The following SLC9A8 variants were observed in gnomAD, a reference collection of about 807,000 sequenced individuals.
SLC9A8 encodes the protein sodium/hydrogen exchanger 8.
Under a neutral mutation model 66.6 loss-of-function variants are expected in SLC9A8, and 48 were observed. That is an observed-to-expected ratio of 0.72 (90% confidence interval 0.57 to 0.92). The LOEUF (loss-of-function observed/expected upper bound fraction) is 0.92, where lower values mean the gene tolerates loss of function less well. Among genes scored for constraint, SLC9A8 ranks in the 40% least tolerant of loss-of-function variants. The probability of loss-of-function intolerance (pLI) is 0.00; values close to 1 mark genes in which losing one functional copy is unlikely to be tolerated. For missense variants in SLC9A8, 599 were observed against 747.3 expected (o/e 0.80, Z 2.31); for synonymous variants, 274 against 282.6 (o/e 0.97, Z 0.31).
At chr20:49,861,617 T>C (rs541589434) in intron 8 of SLC9A8, among the ~76,000 whole-genome samples, 1 of 151,994 alleles carries the variant, frequency 6.6e-6, no homozygotes, top group South Asian at 2.1e-4. Flanking sequence ...CAAGGATGTC[T>C]AGAAGGAGAT....
intron 4 of SLC9A8, 65 bp from the exon 5 acceptor site, chr20:49,844,971 T>C (rs2087921542): frequency 1.7e-6 from 2 of 1,175,482 alleles, no homozygotes; most frequent in East Asian, 2.4e-5. Context: ...TGGCTCTTTA[T>C]TGATTAATTT....
chr20:49,844,843 TAC>T (rs2146587819), intron 4 of SLC9A8, among the ~76,000 whole-genome samples, 191 bp from the exon 5 acceptor site: 1 of 150,914 alleles, frequency 6.6e-6, no homozygotes. Flanking sequence ...AATAATAAAA[TAC>T]AGTTTCATTT....
intron 14 of SLC9A8, among the ~76,000 whole-genome samples, chr20:49,884,336 A>ACACACCC (rs1568884621): frequency 9.2e-6 from 1 of 108,476 alleles, no homozygotes. Context: ...ACACACACAC[A>ACACACCC]CCCCCCGGTC....
intron 6 of SLC9A8, among the ~76,000 whole-genome samples, chr20:49,849,920 C>T (rs560704004): frequency 1.8e-4 from 27 of 152,316 alleles, no homozygotes; most frequent in African/African-American, 6.3e-4. Context: ...TAATCCCCCC[C>T]AAAGTATTTG....
intron 2 of SLC9A8, among the ~76,000 whole-genome samples, chr20:49,816,432 CA>C (rs763431051): frequency 6.7e-6 from 1 of 148,678 alleles, no homozygotes; most frequent in East Asian, 2.0e-4. Flanking sequence ...AAAAAAAAAA[CA>C]AAAAAAACCA....
At chr20:49,849,764 C>G in intron 6 of SLC9A8, 84 bp downstream of exon 6, 1 of 1,049,480 alleles carries the variant, frequency 9.5e-7, no homozygotes, top group South Asian at 1.3e-5. Flanking sequence ...AATGGGGCCA[C>G]TTTGTGGGGC....
At chr20:49,859,591 G>A (rs375645640) in intron 8 of SLC9A8, among the ~76,000 whole-genome samples, 3 of 151,048 alleles carry the variant, frequency 2.0e-5, no homozygotes, top group East Asian at 1.9e-4. Context: ...CTTCATAAAC[G>A]ATCATCTCCA....
chr20:49,867,346 A>G (rs750704330), intron 10 of SLC9A8, among the ~76,000 whole-genome samples: 5 of 152,090 alleles, frequency 3.3e-5, no homozygotes, highest in Non-Finnish European at 5.9e-5. Context: ...TGAGGCTTAC[A>G]TTTAAACTTT....
At position 49,812,954 on chromosome 20, in the gene SLC9A8, T is replaced by A; in HGVS notation, c.26+6T>A. On this transcript the variant is annotated splice_donor_region_variant and intron_variant, in intron 1 of 15. Coordinates refer to ENST00000361573, the MANE Select transcript of SLC9A8 (RefSeq NM_015266.3). ...GAGAAGATGGCGGAAGAGGAGTGAG[T>A]GGGCTTTTTCCCGGGCGGCGGAGGC... is the stretch of plus-strand genomic sequence containing the variant. 1.4e-6 allele frequency: 2 copies of A among 1,427,394 alleles called. No homozygotes were observed. The highest frequency in any genetic ancestry group is 1.8e-6 in the Non-Finnish European group (2 of 1,091,072). The allele number at this position is 1,427,394 out of a possible 1,614,324, so 88.4% of individuals were successfully genotyped here. A position where few individuals can be genotyped will look rare whatever the true frequency, so the allele number is the denominator to read the frequency against.
chr20:49,857,932 A>G (rs1346520170), intron 8 of SLC9A8, among the ~76,000 whole-genome samples: 1 of 152,226 alleles, frequency 6.6e-6, no homozygotes, highest in Non-Finnish European at 1.5e-5. Flanking sequence ...AACCAAACTT[A>G]TAAGTATTTT....
chr20:49,822,605 C>T (rs911222157), intron 2 of SLC9A8, among the ~76,000 whole-genome samples: 12 of 152,180 alleles, frequency 7.9e-5, no homozygotes, highest in Admixed American at 3.3e-4. Flanking sequence ...TGCAATGTGG[C>T]GAAACCCCAT....
chr20:49,830,583 C>A lies in SLC9A8; in HGVS notation c.289+7442C>A, dbSNP rs1347880781. On this transcript the variant is annotated intron_variant, in intron 3 of 15. Transcript: ENST00000361573. ...GTCGGGGGGTCGCTTTCCAGAAGCT[C>A]CCATCTCAGGGAATCAGCAGCTTTC... The A allele has an allele frequency of 4.9e-6, 3 of 609,258 alleles. No homozygotes were observed. In the African/African-American group the frequency reaches 5.6e-5, roughly 11 times the overall value. 37.7% of individuals were successfully genotyped at this position (609,258 alleles called of 1,614,324 possible).
chr20:49,854,440 G>T (rs1198341660), intron 7 of SLC9A8, among the ~76,000 whole-genome samples: 1 of 152,062 alleles, frequency 6.6e-6, no homozygotes, highest in African/African-American at 2.4e-5. Context: ...TAACATGTAG[G>T]TTCTTGCTTA....
chr20:49,838,741 G>A (rs940786916), intron 3 of SLC9A8, among the ~76,000 whole-genome samples: 1 of 152,124 alleles, frequency 6.6e-6, no homozygotes, highest in Admixed American at 6.5e-5. Flanking sequence ...TGGCCTGCAG[G>A]CTTGCTTTGT....
intron 7 of SLC9A8, 74 bp downstream of exon 7, chr20:49,850,918 G>A: frequency 1.8e-6 from 2 of 1,138,236 alleles, no homozygotes; most frequent in Non-Finnish European, 2.6e-6. Flanking sequence ...ATTGCTTCCT[G>A]GGTGTGGTAC....
At chr20:49,819,467 G>T (rs1455077926) in intron 2 of SLC9A8, among the ~76,000 whole-genome samples, 2 of 152,008 alleles carry the variant, frequency 1.3e-5, no homozygotes, top group Non-Finnish European at 2.9e-5. Context: ...CCCATAACTT[G>T]CCTTTTCATC....
chr20:49,839,724 A>AT (rs2087687063), intron 4 of SLC9A8, 125 bp downstream of exon 4: 5 of 492,800 alleles, frequency 1.0e-5, no homozygotes, highest in East Asian at 3.5e-5. Flanking sequence ...TTACTTTTTA[A>AT]TTTTTTTATT....
Position 49,889,766 on chromosome 20 carries a change from G to C in SLC9A8, c.*1830G>C, listed in dbSNP as rs576973954. ...GGGACCTTTGCCTGCCCCTGGGCGA[G>C]TGCGGGCAGGGATCTGAGACCAGAT... On this transcript the variant is annotated 3_prime_UTR_variant, in exon 16 of 16. Coordinates refer to ENST00000361573, the MANE Select transcript of SLC9A8 (RefSeq NM_015266.3). The C allele has an allele frequency of 1.3e-5, 2 of 152,176 alleles. No individual in the cohort carries two copies. Among genetic ancestry groups the C allele is most frequent in the African/African-American group, 2.4e-5 (1 of 41,428 alleles). 9.4% of individuals were successfully genotyped at this position (152,176 alleles called of 1,614,324 possible). A position where few individuals can be genotyped will look rare whatever the true frequency, so the allele number is the denominator to read the frequency against.
chr20:49,839,235 G>A (rs1214697862), intron 3 of SLC9A8, among the ~76,000 whole-genome samples: 2 of 152,200 alleles, frequency 1.3e-5, no homozygotes, highest in Non-Finnish European at 2.9e-5. Flanking sequence ...GAAAATGGGT[G>A]GATATGGTAA....
Sources: gnomAD v4.1 joint callset for allele counts (sites outside exome capture counted in the v4.1 genomes callset) on GRCh38, gnomAD v4.1.1 for gene constraint, MANE v1.5 for transcripts, NCBI Gene and HGNC (gene_info 2026-07-23, HGNC 2026-07-21) for gene names.